TMEM132C: variants seen among roughly 807,000 people sequenced by gnomAD.
TMEM132C encodes the protein transmembrane protein 132C, also known as protein phosphatase 1, regulatory subunit 152.
In TMEM132C, 29 loss-of-function variants were observed where a neutral mutation model predicts 61.4. That is an observed-to-expected ratio of 0.47 (90% CI 0.35 to 0.64). The LOEUF (loss-of-function observed/expected upper bound fraction) is 0.64. Ranked by LOEUF, TMEM132C falls within the 30% of genes least tolerant of loss-of-function variation. The probability of loss-of-function intolerance (pLI) is 0.00; values close to 1 mark genes in which losing one functional copy is unlikely to be tolerated. For synonymous variants in TMEM132C, 656 were observed against 633.1 expected (o/e 1.04, Z -0.54); for missense variants, 1,408 against 1,476.9 (o/e 0.95, Z 0.76).
chr12:128,370,032 CT>C (rs1873982634), intron 1 of TMEM132C, among the ~76,000 whole-genome samples: 1 of 152,192 alleles, frequency 6.6e-6, no homozygotes, highest in African/African-American at 2.4e-5. Flanking sequence ...AAAGTCTTCC[CT>C]TTTTGCACTA....
intron 5 of TMEM132C, among the ~76,000 whole-genome samples, chr12:128,681,447 G>T (rs957114910): frequency 6.6e-6 from 1 of 152,024 alleles, no homozygotes; most frequent in Non-Finnish European, 1.5e-5. Flanking sequence ...CGAGTTAAGG[G>T]GGAAAACATC....
At chr12:128,652,162 A>G (rs570313867) in intron 4 of TMEM132C, among the ~76,000 whole-genome samples, 2 of 152,140 alleles carry the variant, frequency 1.3e-5, no homozygotes, top group Non-Finnish European at 2.9e-5. Context: ...TGCTGTGTGC[A>G]GAGTAAACTC....
At chr12:128,399,473 A>G (rs1875074308) in intron 1 of TMEM132C, among the ~76,000 whole-genome samples, 1 of 152,232 alleles carries the variant, frequency 6.6e-6, no homozygotes, top group Non-Finnish European at 1.5e-5. Context: ...GCACATATTT[A>G]AATTCTGCTG....
At chr12:128,391,403 G>A (rs78126485) in intron 1 of TMEM132C, among the ~76,000 whole-genome samples, 7,218 of 152,244 alleles carry the variant, frequency 0.047, 447 homozygotes, top group East Asian at 0.22. Flanking sequence ...TCCTTTGCAC[G>A]TGTATGTTAA....
intron 5 of TMEM132C, among the ~76,000 whole-genome samples, chr12:128,671,599 G>A (rs942034764): frequency 2.0e-5 from 3 of 152,116 alleles, no homozygotes; most frequent in African/African-American, 7.2e-5. Flanking sequence ...AACTGTTGAG[G>A]TGGATAAATG....
At chr12:128,410,255 T>C (rs1449542522) in intron 1 of TMEM132C, among the ~76,000 whole-genome samples, 1 of 152,164 alleles carries the variant, frequency 6.6e-6, no homozygotes, top group Non-Finnish European at 1.5e-5. Context: ...CTCAGGTTCC[T>C]CAAATGGTGA....
In TMEM132C at chr12:128,589,425, A is replaced by G. The variant is rs534433062; in HGVS notation, c.1122-26727A>G. Among the ~76,000 whole-genome samples, 403 of 150,926 alleles carry G rather than the reference A, an allele frequency of 2.7e-3. 2 individuals are homozygous for G. Among genetic ancestry groups the G allele is most frequent in the African/African-American group, 8.8e-3 (362 of 40,990 alleles). ...CCCGCCTGCCTCCCTCCCAACCCAC[A>G]CTGCCCGTCCGCCCACTGTGCACTG... On this transcript the variant is annotated intron_variant, in intron 3 of 8. Coordinates refer to ENST00000435159, the MANE Select transcript of TMEM132C (RefSeq NM_001136103.3).
intron 1 of TMEM132C, among the ~76,000 whole-genome samples, chr12:128,305,114 C>T (rs1413649841): frequency 6.6e-6 from 1 of 152,050 alleles, no homozygotes; most frequent in Non-Finnish European, 1.5e-5. Context: ...CGTGGTGGCT[C>T]ACACCTGTAA....
At chr12:128,640,842 C>T (rs1382855235) in intron 4 of TMEM132C, among the ~76,000 whole-genome samples, 1 of 152,176 alleles carries the variant, frequency 6.6e-6, no homozygotes, top group East Asian at 1.9e-4. Flanking sequence ...GCCATGATTA[C>T]AGCACTGCAC....
chr12:128,299,580 G>A (rs1871531332), intron 1 of TMEM132C, among the ~76,000 whole-genome samples: 1 of 152,166 alleles, frequency 6.6e-6, no homozygotes, highest in Admixed American at 6.5e-5. Context: ...GAGAATAGAT[G>A]TTGTCTTCCT....
At chr12:128,677,960 G>A (rs1039426423) in intron 5 of TMEM132C, among the ~76,000 whole-genome samples, 3 of 152,240 alleles carry the variant, frequency 2.0e-5, no homozygotes, top group African/African-American at 7.2e-5. Context: ...CAGCCTGATA[G>A]TTGCCCTGAG....
intron 1 of TMEM132C, among the ~76,000 whole-genome samples, chr12:128,319,859 C>A (rs542206995): frequency 1.3e-5 from 2 of 151,168 alleles, no homozygotes; most frequent in Non-Finnish European, 2.9e-5. Context: ...AGTGAACAGT[C>A]TTCACTGACC....
chr12:128,362,625 A>G (rs1337811721), intron 1 of TMEM132C, among the ~76,000 whole-genome samples: 1 of 152,224 alleles, frequency 6.6e-6, no homozygotes, highest in Non-Finnish European at 1.5e-5. Context: ...TATCAGTTGA[A>G]CATCCCAATG....
chr12:128,383,369 A>G (rs764862580), intron 1 of TMEM132C, among the ~76,000 whole-genome samples: 2 of 152,184 alleles, frequency 1.3e-5, no homozygotes, highest in Non-Finnish European at 2.9e-5. Context: ...TTCCACAAGC[A>G]GTGAAATCAA....
intron 4 of TMEM132C, among the ~76,000 whole-genome samples, chr12:128,635,544 T>C (rs1954096953): frequency 6.6e-6 from 1 of 151,994 alleles, no homozygotes; most frequent in African/African-American, 2.4e-5. Flanking sequence ...TTTATTTTAT[T>C]AAAAAGTGTT....
rs995503507 is a variant in TMEM132C at position 128,354,183 on chromosome 12, C to T, written c.86-60549C>T. ...AGAAAGAGACAGACAGAAGAGCAGACTGACTTTCTCGCATGAAGCCCCTAG... is the reference window on the plus strand; with the variant it reads ...AGAAAGAGACAGACAGAAGAGCAGATTGACTTTCTCGCATGAAGCCCCTAG... On this transcript the variant is annotated intron_variant, in intron 1 of 8. Coordinates refer to ENST00000435159, the MANE Select transcript of TMEM132C (RefSeq NM_001136103.3). Among the ~76,000 whole-genome samples the T allele has an allele frequency of 3.3e-5, 5 of 152,016 alleles. No homozygotes were observed. In the East Asian group the frequency reaches 9.8e-4, roughly 30 times the overall value.
chr12:128,537,167 G>A (rs888633974), intron 2 of TMEM132C, among the ~76,000 whole-genome samples: 1 of 152,336 alleles, frequency 6.6e-6, no homozygotes, highest in East Asian at 1.9e-4. Context: ...GACATCAAAA[G>A]ATGAAGCAGA....
In TMEM132C at chr12:128,706,291, C is replaced by T. The variant is rs1954840496; in HGVS notation, c.3323C>T (p.Ala1108Val). The T allele has an allele frequency of 2.6e-6, 4 of 1,525,680 alleles. No homozygotes were observed. The highest frequency in any genetic ancestry group is 2.6e-6 in the Non-Finnish European group (3 of 1,133,358). 94.5% of individuals were successfully genotyped at this position (1,525,680 alleles called of 1,614,324 possible). ...TATCTGGAGAAACTCAAAGATAAGGCTTAGGCCCCTCTAGCCAAAGGGCCC... is the reference window on the plus strand; with the variant it reads ...TATCTGGAGAAACTCAAAGATAAGGTTTAGGCCCCTCTAGCCAAAGGGCCC... ...RNYLEKLKDKA is the reference protein window; with the variant it reads ...RNYLEKLKDKV Residue 1108 changes from alanine to valine, a missense_variant, in exon 9 of 9, where the codon GCT becomes GTT. Transcript: ENST00000435159.
At chr12:128,360,202 AAGTG>A (rs1205011782) in intron 1 of TMEM132C, among the ~76,000 whole-genome samples, 1 of 151,622 alleles carries the variant, frequency 6.6e-6, no homozygotes, top group Non-Finnish European at 1.5e-5. Context: ...ATCAAATGCG[AAGTG>A]AGTAAGTATA....
Sources: gnomAD v4.1 joint callset for allele counts (sites outside exome capture counted in the v4.1 genomes callset) on GRCh38, gnomAD v4.1.1 for gene constraint, MANE v1.5 for transcripts, NCBI Gene and HGNC (gene_info 2026-07-23, HGNC 2026-07-21) for gene names.